Variants in TOP6BL observed in about 807,000 individuals in gnomAD.
TOP6BL encodes the protein TOP6B like initiator of meiotic double strand breaks, also known as type 2 DNA topoisomerase 6 subunit B-like.
chr11:66,838,278 G>A, the TOP6BL span: 1 of 1,104,214 alleles, frequency 9.1e-7, no homozygotes, highest in African/African-American at 1.6e-5. Context: ...AACCTTGTGA[G>A]GTCAGTGAAG....
the TOP6BL span, among the ~76,000 whole-genome samples, chr11:66,790,043 C>T: frequency 1.8e-4 from 28 of 152,144 alleles, no homozygotes; most frequent in East Asian, 3.7e-3. Flanking sequence ...GAGGCTGAGG[C>T]GGGTGGATCA....
chr11:66,802,075 G>A, the TOP6BL span, among the ~76,000 whole-genome samples: 1 of 152,070 alleles, frequency 6.6e-6, no homozygotes, highest in South Asian at 2.1e-4. Context: ...CTGCAGCCTT[G>A]GTCTCCTGGG....
At chr11:66,753,716 G>GT in the TOP6BL span, among the ~76,000 whole-genome samples, 5 of 144,974 alleles carry the variant, frequency 3.4e-5, no homozygotes, top group South Asian at 6.6e-4. Context: ...ATGTTTTTAT[G>GT]TTTTTTAAGA....
chr11:66,766,195 C>T, the TOP6BL span, among the ~76,000 whole-genome samples: 1 of 152,084 alleles, frequency 6.6e-6, no homozygotes, highest in East Asian at 1.9e-4. Flanking sequence ...GTGGTCTGAC[C>T]CTTCTTTAGG....
the TOP6BL span, among the ~76,000 whole-genome samples, chr11:66,769,847 T>C: frequency 6.6e-6 from 1 of 151,818 alleles, no homozygotes; most frequent in Non-Finnish European, 1.5e-5. Flanking sequence ...TTCATGCCAT[T>C]CTCCTGCCTC....
At chr11:66,798,446 A>G in the TOP6BL span, among the ~76,000 whole-genome samples, 1 of 151,956 alleles carries the variant, frequency 6.6e-6, no homozygotes, top group East Asian at 2.0e-4. Flanking sequence ...CTAAAAATAC[A>G]AAAATTAGTC....
the TOP6BL span, among the ~76,000 whole-genome samples, chr11:66,755,017 T>C: frequency 6.6e-6 from 1 of 152,186 alleles, no homozygotes; most frequent in Non-Finnish European, 1.5e-5. Context: ...GCAATTTTAT[T>C]ATATAAATCA....
the TOP6BL span, among the ~76,000 whole-genome samples, chr11:66,807,567 A>G: frequency 6.6e-6 from 1 of 152,136 alleles, no homozygotes; most frequent in Non-Finnish European, 1.5e-5. Context: ...GTGAGACTCC[A>G]TCTCAAAAAA....
At chr11:66,828,551 T>C in the TOP6BL span, 1 of 562,184 alleles carries the variant, frequency 1.8e-6, no homozygotes, top group Non-Finnish European at 3.2e-6. Context: ...ACTGGTTGCC[T>C]GGTGTCCAAT....
At chr11:66,839,666 C>CT in the TOP6BL span, among the ~76,000 whole-genome samples, 1 of 152,168 alleles carries the variant, frequency 6.6e-6, no homozygotes, top group Non-Finnish European at 1.5e-5. Flanking sequence ...GCTGTGAACG[C>CT]TTGTACAAAG....
the TOP6BL span, among the ~76,000 whole-genome samples, chr11:66,770,797 C>G: frequency 6.6e-6 from 1 of 152,126 alleles, no homozygotes; most frequent in Non-Finnish European, 1.5e-5. Context: ...TCCTGACACC[C>G]CTTCTGGCCT....
At chr11:66,803,804 G>A in the TOP6BL span, among the ~76,000 whole-genome samples, 1 of 152,160 alleles carries the variant, frequency 6.6e-6, no homozygotes, top group Non-Finnish European at 1.5e-5. Flanking sequence ...TCTCTGAAAT[G>A]CCAGTTTTTC....
the TOP6BL span, chr11:66,762,265 A>T: frequency 2.0e-6 from 1 of 511,506 alleles, no homozygotes; most frequent in Non-Finnish European, 3.5e-6. Context: ...GCGCAAACTG[A>T]GCAGCCTGAA....
At chr11:66,788,223 A>G in the TOP6BL span, 7 of 1,613,846 alleles carry the variant, frequency 4.3e-6, no homozygotes, top group East Asian at 1.6e-4. Context: ...GAAGGCAGCT[A>G]TTCTCAGGAT....
chr11:66,783,531 G>C, the TOP6BL span, among the ~76,000 whole-genome samples: 36,514 of 152,022 alleles, frequency 0.24, 4,448 homozygotes, highest in Middle Eastern at 0.32. Context: ...TTGGTAGCTC[G>C]TAGGGTTTTC....
the TOP6BL span, among the ~76,000 whole-genome samples, chr11:66,799,359 C>G: frequency 2.1e-5 from 3 of 146,110 alleles, no homozygotes; most frequent in African/African-American, 5.1e-5. Flanking sequence ...GCACTCCAGG[C>G]TGGGAGACAG....
chr11:66,788,796 G>A, the TOP6BL span, among the ~76,000 whole-genome samples: 11 of 152,208 alleles, frequency 7.2e-5, no homozygotes, highest in African/African-American at 2.7e-4. Context: ...CTGGAGTGCA[G>A]TGGCTATTCA....
the TOP6BL span, chr11:66,800,553 A>G: frequency 9.7e-7 from 1 of 1,034,328 alleles, no homozygotes; most frequent in South Asian, 1.6e-5. Flanking sequence ...TTTTAAGCTT[A>G]TTCTTTTCCT....
the TOP6BL span, among the ~76,000 whole-genome samples, chr11:66,764,014 C>T: frequency 6.6e-6 from 1 of 152,148 alleles, no homozygotes; most frequent in East Asian, 1.9e-4. Flanking sequence ...TGCATTAGGC[C>T]TTGTGCTCCA....
Sources: gnomAD v4.1 joint callset for allele counts (sites outside exome capture counted in the v4.1 genomes callset) on GRCh38, gnomAD v4.1.1 for gene constraint, MANE v1.5 for transcripts, NCBI Gene and HGNC (gene_info 2026-07-23, HGNC 2026-07-21) for gene names.